Variants in PRXL2C observed in about 807,000 individuals in gnomAD.
PRXL2C encodes the protein peroxiredoxin like 2C, also known as peroxiredoxin-like 2C.
Under a neutral mutation model 24.9 loss-of-function variants are expected in PRXL2C, and 38 were observed. That is an observed-to-expected ratio of 1.53 (90% CI 1.18 to 2.00). PRXL2C has a LOEUF of 2.00. PRXL2C is among the 30% of genes most tolerant of loss of function. The pLI, the probability that PRXL2C is intolerant of heterozygous loss-of-function variation, is 0.00. For synonymous variants in PRXL2C, 98 were observed against 117.2 expected (o/e 0.84, Z 1.06); for missense variants, 294 against 290.9 (o/e 1.01, Z -0.08).
intron 2 of PRXL2C, among the ~76,000 whole-genome samples, chr9:96,654,467 G>A (rs1848318445): frequency 6.6e-6 from 1 of 152,232 alleles, no homozygotes; most frequent in South Asian, 2.1e-4. Flanking sequence ...TTGAGAACAG[G>A]CACTAGGTTA....
chr9:96,654,655 C>A (rs1165746683), intron 2 of PRXL2C, 50 bp downstream of exon 2: 2 of 1,522,084 alleles, frequency 1.3e-6, no homozygotes, highest in Non-Finnish European at 1.8e-6. Context: ...CCGCCCCGCT[C>A]GCAAGGTCTG....
chr9:96,642,951 T>C (rs965428879), intron 5 of PRXL2C, among the ~76,000 whole-genome samples: 4 of 152,216 alleles, frequency 2.6e-5, no homozygotes, highest in Non-Finnish European at 5.9e-5. Flanking sequence ...TAGCTGCATA[T>C]CTGCTGAATA....
At chr9:96,646,437 T>G (rs932888435) in intron 4 of PRXL2C, among the ~76,000 whole-genome samples, 6 of 152,206 alleles carry the variant, frequency 3.9e-5, no homozygotes, top group African/African-American at 1.4e-4. Context: ...AATTCCCCAT[T>G]TATACTCTGT....
chr9:96,654,816 A>G (rs1449974177), intron 1 of PRXL2C, 43 bp from the exon 2 acceptor site: 27 of 1,525,130 alleles, frequency 1.8e-5, no homozygotes, highest in Non-Finnish European at 2.1e-5. Context: ...GTAAAGCAGC[A>G]CCCTCGGGCC....
intron 1 of PRXL2C, 67 bp from the exon 2 acceptor site, chr9:96,654,840 G>A: frequency 6.9e-7 from 1 of 1,445,996 alleles, no homozygotes; most frequent in East Asian, 2.6e-5. Flanking sequence ...AAGGATCCCT[G>A]TACTTCGCCG....
Position 96,640,852 on chromosome 9 carries a change from T to C in PRXL2C, c.*907A>G, listed in dbSNP as rs1012592337. 1 of 148,126 alleles carries C rather than the reference T, an allele frequency of 6.8e-6. No individual in the cohort carries two copies. The highest frequency in any genetic ancestry group is 6.8e-5 in the Admixed American group (1 of 14,704). The allele number at this position is 148,126 out of a possible 1,614,324, so 9.2% of individuals were successfully genotyped here. ...ATCTCAAAAAAAAAAAAAAAAAAAA[T>C]TCTTATAGTTCCCTTTCAAAAAGCA... is the stretch of plus-strand genomic sequence containing the variant. On this transcript the variant is annotated 3_prime_UTR_variant, in exon 6 of 6. Coordinates refer to ENST00000375234, the MANE Select transcript of PRXL2C (RefSeq NM_153698.2).
At chr9:96,642,586 G>A (rs1025112316) in intron 5 of PRXL2C, among the ~76,000 whole-genome samples, 7 of 145,166 alleles carry the variant, frequency 4.8e-5, no homozygotes, top group African/African-American at 1.3e-4. Context: ...TCGCTTTGTC[G>A]CCAGGCTGGA....
chr9:96,655,261 G>T lies in PRXL2C; in HGVS notation c.21C>A (p.Val7=). 1 of 1,091,242 alleles carries T rather than the reference G, an allele frequency of 9.2e-7. No individual in the cohort carries two copies. The highest frequency in any genetic ancestry group is 4.3e-5 in the South Asian group (1 of 23,002). 67.6% of individuals were successfully genotyped at this position (1,091,242 alleles called of 1,614,324 possible). ...CGGCGGCGCCGCTAACCTGCCGCGT[G>T]ACCGGGGCCGGCGCGGCCATGACGC... is the stretch of plus-strand genomic sequence containing the variant. MAAPAP[V]TRQVSGAAAL... Residue 7 remains valine, a synonymous_variant, in exon 1 of 6, where the codon GTC becomes GTA. Transcript: ENST00000375234.
intron 5 of PRXL2C, among the ~76,000 whole-genome samples, chr9:96,642,608 T>C (rs1343385008): frequency 1.3e-5 from 2 of 151,204 alleles, no homozygotes; most frequent in East Asian, 3.9e-4. Flanking sequence ...TGCAGTGGCA[T>C]GATCTCGGCT....
At chr9:96,643,078 C>T (rs766597667) in intron 5 of PRXL2C, among the ~76,000 whole-genome samples, 6 of 151,962 alleles carry the variant, frequency 3.9e-5, no homozygotes, top group African/African-American at 7.3e-5. Flanking sequence ...CAGGGGAGGA[C>T]GTGCATAGGT....
At chr9:96,644,383 C>CATCT (rs2119174138) in intron 5 of PRXL2C, among the ~76,000 whole-genome samples, 1 of 152,264 alleles carries the variant, frequency 6.6e-6, no homozygotes, top group Admixed American at 6.5e-5. Context: ...TGTTCAAATA[C>CATCT]ATCTGTTCAA....
intron 5 of PRXL2C, among the ~76,000 whole-genome samples, chr9:96,644,426 G>C (rs1848162391): frequency 6.6e-6 from 1 of 152,150 alleles, no homozygotes; most frequent in Non-Finnish European, 1.5e-5. Context: ...AGCAATCTCA[G>C]GTGGTCCACA....
At chr9:96,646,106 CTCTT>C (rs1848199370) in intron 4 of PRXL2C, 82 bp from the exon 5 acceptor site, 2 of 1,358,318 alleles carry the variant, frequency 1.5e-6, no homozygotes, top group African/African-American at 1.5e-5. Flanking sequence ...AGAAAACATT[CTCTT>C]TCTTCCTTTA....
At chr9:96,651,310 AC>A in intron 4 of PRXL2C, 79 bp downstream of exon 4, 1 of 1,030,752 alleles carries the variant, frequency 9.7e-7, no homozygotes, top group Non-Finnish European at 1.4e-6. Flanking sequence ...TTATGAATTG[AC>A]CATGTTTCCC....
At chr9:96,645,427 C>A (rs1334212074) in intron 5 of PRXL2C, among the ~76,000 whole-genome samples, 1 of 151,858 alleles carries the variant, frequency 6.6e-6, no homozygotes, top group South Asian at 2.1e-4. Flanking sequence ...CAAAAGATGC[C>A]CCCCTACAAA....
chr9:96,646,594 T>C (rs1331439977), intron 4 of PRXL2C, among the ~76,000 whole-genome samples: 1 of 152,170 alleles, frequency 6.6e-6, no homozygotes, highest in Non-Finnish European at 1.5e-5. Context: ...AGGCAAGGCA[T>C]GTGACTATGT....
rs1848088950 is a variant in PRXL2C at position 96,639,612 on chromosome 9, CATT to C, written c.*2144_*2146del. On this transcript the variant is annotated 3_prime_UTR_variant, in exon 6 of 6. Coordinates refer to ENST00000375234, the MANE Select transcript of PRXL2C (RefSeq NM_153698.2). ...AAATTTCATTTTTATTGAATAAAAACATTATACAAACATGAAGATATATTCAAA... is the reference window on the plus strand; with the variant it reads ...AAATTTCATTTTTATTGAATAAAAACATACAAACATGAAGATATATTCAAA... 4 of 152,126 alleles carry C rather than the reference CATT, an allele frequency of 2.6e-5. No homozygotes were observed. The South Asian group carries it at 8.3e-4, about 32-fold the overall frequency. 9.4% of individuals were successfully genotyped at this position (152,126 alleles called of 1,614,324 possible). A position where few individuals can be genotyped will look rare whatever the true frequency, so the allele number is the denominator to read the frequency against.
rs1447192379 is a variant in PRXL2C, at chr9:96,654,456, T to G, written c.261+249A>C. 1.1e-4 allele frequency among the ~76,000 whole-genome samples: 17 copies of G among 152,366 alleles called. 1 individual carries two copies. In the Middle Eastern group the frequency reaches 0.02, roughly 183 times the overall value. On this transcript the variant is annotated intron_variant, in intron 2 of 5. Transcript: ENST00000375234. ...TGTTTTAGGGCATTATCAGTCAACA[T>G]TTGAGAACAGGCACTAGGTTACCAG...
At chr9:96,653,756 C>G (rs1288809218) in intron 2 of PRXL2C, among the ~76,000 whole-genome samples, 1 of 151,754 alleles carries the variant, frequency 6.6e-6, no homozygotes, top group African/African-American at 2.4e-5. Flanking sequence ...GAGGAACAGT[C>G]AAAACATTGT....
Sources: allele counts gnomAD v4.1 joint callset (sites outside exome capture counted in the v4.1 genomes callset), GRCh38; gene constraint gnomAD v4.1.1; transcripts MANE v1.5; gene names NCBI Gene and HGNC (gene_info 2026-07-23, HGNC 2026-07-21).